The following SPAG17 variants were observed in gnomAD, a reference collection of about 807,000 sequenced individuals.
SPAG17 encodes sperm associated antigen 17.
A neutral mutation model predicts 273.6 loss-of-function variants in SPAG17; 169 were observed. The ratio of observed to expected loss-of-function variants is 0.62; its 90% CI spans 0.55 to 0.70. The LOEUF is 0.70. Among genes scored for constraint, SPAG17 ranks in the 30% least tolerant of loss-of-function variants. The pLI, the probability that SPAG17 is intolerant of heterozygous loss-of-function variation, is 0.00. For synonymous variants in SPAG17, 825 were observed against 873.2 expected (o/e 0.94, Z 0.97); for missense variants, 2,557 against 2,627.8 (o/e 0.97, Z 0.59).
intron 4 of SPAG17, among the ~76,000 whole-genome samples, chr1:118,106,203 T>C (rs576063433): frequency 4.6e-5 from 7 of 152,232 alleles, no homozygotes; most frequent in Non-Finnish European, 8.8e-5. Context: ...ATCATGGCTG[T>C]CATTGTCACT....
intron 1 of SPAG17, among the ~76,000 whole-genome samples, chr1:118,181,483 A>G (rs368420126): frequency 6.6e-6 from 1 of 151,970 alleles, no homozygotes; most frequent in East Asian, 2.0e-4. Context: ...AATAGTAACC[A>G]AGAGAGAGCA....
At chr1:117,973,678 C>A (rs960231921) in intron 43 of SPAG17, 117 bp from the exon 44 acceptor site, 4 of 913,642 alleles carry the variant, frequency 4.4e-6, no homozygotes, top group Non-Finnish European at 6.3e-6. Context: ...CTTTGCTTTT[C>A]AAAGAGCTTA....
chr1:118,057,050 C>G (rs1333907874), intron 18 of SPAG17, among the ~76,000 whole-genome samples: 1 of 151,570 alleles, frequency 6.6e-6, no homozygotes, highest in Non-Finnish European at 1.5e-5. Context: ...CCACTTGGTT[C>G]ACTGCAACCT....
At chr1:117,989,347 G>A (rs1026629563) in intron 38 of SPAG17, among the ~76,000 whole-genome samples, 21 of 152,070 alleles carry the variant, frequency 1.4e-4, no homozygotes, top group African/African-American at 5.1e-4. Flanking sequence ...GGAAATGGGG[G>A]AAGGGGAGCC....
intron 3 of SPAG17, among the ~76,000 whole-genome samples, chr1:118,140,807 T>G (rs1658640045): frequency 6.6e-6 from 1 of 152,204 alleles, no homozygotes; most frequent in South Asian, 2.1e-4. Context: ...CATTCTCCTC[T>G]TTAAAGTCTT....
intron 4 of SPAG17, among the ~76,000 whole-genome samples, chr1:118,104,996 G>A (rs749575567): frequency 2.1e-4 from 32 of 152,072 alleles, no homozygotes; most frequent in Non-Finnish European, 3.5e-4. Context: ...GTGAAGATAC[G>A]GGGCTGAGGA....
intron 1 of SPAG17, among the ~76,000 whole-genome samples, chr1:118,155,258 C>T (rs1659594289): frequency 6.6e-6 from 1 of 152,162 alleles, no homozygotes. Flanking sequence ...GGAAAGTATT[C>T]ATGTAAATGC....
At chr1:117,971,751 C>G in intron 45 of SPAG17, 112 bp downstream of exon 45, 1 of 787,706 alleles carries the variant, frequency 1.3e-6, no homozygotes, top group South Asian at 2.3e-5. Flanking sequence ...TGTGAAGATT[C>G]AAGGAGTAAT....
intron 1 of SPAG17, among the ~76,000 whole-genome samples, chr1:118,175,401 C>G (rs565507425): frequency 6.6e-6 from 1 of 151,904 alleles, no homozygotes; most frequent in Admixed American, 6.6e-5. Context: ...AATAAGACTA[C>G]CCCAAGGCAT....
At chr1:118,021,863 A>G (rs1481292838) in intron 28 of SPAG17, among the ~76,000 whole-genome samples, 1 of 152,176 alleles carries the variant, frequency 6.6e-6, no homozygotes. Context: ...GTATCAACAA[A>G]AGAGGGAACC....
At chr1:118,121,646 C>A (rs1390826036) in intron 3 of SPAG17, among the ~76,000 whole-genome samples, 1 of 152,152 alleles carries the variant, frequency 6.6e-6, no homozygotes, top group African/African-American at 2.4e-5. Context: ...TCATCCTGCT[C>A]CCCACTCTGT....
At chr1:118,093,380 G>A in intron 7 of SPAG17, 63 bp from the exon 8 acceptor site, 9 of 1,427,344 alleles carry the variant, frequency 6.3e-6, no homozygotes, top group Non-Finnish European at 8.6e-6. Flanking sequence ...TCAGATATAT[G>A]GTATATATCT....
intron 48 of SPAG17, chr1:117,962,956 T>C (rs1653299777): frequency 1.3e-5 from 2 of 152,238 alleles, no homozygotes; most frequent in South Asian, 4.1e-4. Context: ...TGGCTTACAG[T>C]TACTGTCTGC....
At position 118,040,768 on chromosome 1, in the gene SPAG17, C is replaced by G; in HGVS notation, c.3128G>C (p.Gly1043Ala). Reference protein sequence around the residue: ...GSNYYLYPSDGGQIEVEKTMF... With the variant: ...GSNYYLYPSDAGQIEVEKTMF... ...TGTCTTTTCCACTTCAATCTGCCCC[C>G]CATCAGAAGGATACAGGTAGTAATT... The change falls in exon 22 of 49, where the codon GGG (glycine) becomes GCG (alanine). Residue 1043 changes from glycine (G) to alanine (A), a missense_variant. Transcript: ENST00000336338. 6.2e-7 allele frequency: 1 copy of G among 1,606,010 alleles called. No individual in the cohort carries two copies. Among genetic ancestry groups the G allele is most frequent in the East Asian group, 2.2e-5 (1 of 44,834 alleles).
chr1:118,111,698 G>A (rs1656772403), intron 4 of SPAG17, among the ~76,000 whole-genome samples: 3 of 151,974 alleles, frequency 2.0e-5, no homozygotes, highest in Admixed American at 2.0e-4. Flanking sequence ...CTCTTTTGGA[G>A]GAGGCTCTGG....
rs113913148 is a variant in SPAG17, at chr1:118,164,803, C to A, written c.88-13434G>T. Among the ~76,000 whole-genome samples, 777 of 152,344 alleles carry A rather than the reference C, an allele frequency of 5.1e-3. 11 individuals are homozygous for A. Among genetic ancestry groups the A allele is most frequent in the African/African-American group, 0.017 (724 of 41,580 alleles). ...TTTCTAAACTCTTACTGCTCTCAGG[C>A]AAATTGCTCTGTGTAAATTCTTGAG... On this transcript the variant is annotated intron_variant, in intron 1 of 48. Coordinates refer to ENST00000336338, the MANE Select transcript of SPAG17 (RefSeq NM_206996.4).
chr1:118,153,810 A>G (rs1322213719), intron 1 of SPAG17, among the ~76,000 whole-genome samples: 1 of 152,136 alleles, frequency 6.6e-6, no homozygotes, highest in Non-Finnish European at 1.5e-5. Flanking sequence ...GCACCACTGC[A>G]CTCCAGCCTG....
intron 3 of SPAG17, among the ~76,000 whole-genome samples, chr1:118,127,621 A>T (rs953221934): frequency 3.9e-5 from 6 of 152,180 alleles, no homozygotes; most frequent in African/African-American, 1.4e-4. Context: ...AAATATCTAA[A>T]CTATCTCGTT....
At chr1:118,166,017 C>T (rs1256022197) in intron 1 of SPAG17, among the ~76,000 whole-genome samples, 2 of 152,160 alleles carry the variant, frequency 1.3e-5, no homozygotes, top group African/African-American at 4.8e-5. Context: ...TATTACTAAC[C>T]TTAAACTAGT....
Sources: allele counts gnomAD v4.1 joint callset (sites outside exome capture counted in the v4.1 genomes callset), GRCh38; gene constraint gnomAD v4.1.1; transcripts MANE v1.5; gene names NCBI Gene and HGNC (gene_info 2026-07-23, HGNC 2026-07-21).